USP12: variants seen among roughly 807,000 people sequenced by gnomAD.
USP12 encodes the protein ubiquitin specific peptidase 12.
In USP12, 19 loss-of-function variants were observed where a neutral mutation model predicts 45.5. That is an observed-to-expected ratio of 0.42 (90% confidence interval 0.29 to 0.61). The LOEUF is 0.61. Among genes scored for constraint, USP12 ranks in the 20% least tolerant of loss-of-function variants. The probability of loss-of-function intolerance (pLI) is 0.22; values close to 1 mark genes in which losing one functional copy is unlikely to be tolerated. For synonymous variants in USP12, 149 were observed against 148.8 expected (o/e 1.00, Z -0.01); for missense variants, 242 against 447.7 (o/e 0.54, Z 4.15).
Position 27,068,951 on chromosome 13 carries a change from C to A in USP12, c.*332G>T, listed in dbSNP as rs1181825943. ...AGATTCCGATTCTTTCTACTGCACCCCCAAGGAATTCAAAGCATTATTGGT... is the reference window on the plus strand; with the variant it reads ...AGATTCCGATTCTTTCTACTGCACCACCAAGGAATTCAAAGCATTATTGGT... On this transcript the variant is annotated 3_prime_UTR_variant, in exon 9 of 9. Transcript: ENST00000282344. 1.2e-5 allele frequency: 4 copies of A among 327,030 alleles called. No homozygotes were observed. Among genetic ancestry groups the A allele is most frequent in the Non-Finnish European group, 1.7e-5 (3 of 175,566 alleles). The allele number at this position is 327,030 out of a possible 1,614,324, so 20.3% of individuals were successfully genotyped here.
chr13:27,151,897 G>A (rs1161445945), intron 1 of USP12, among the ~76,000 whole-genome samples: 1 of 152,138 alleles, frequency 6.6e-6, no homozygotes, highest in Non-Finnish European at 1.5e-5. Flanking sequence ...TACCTAAAGA[G>A]GTGCTCAACA....
chr13:27,127,972 C>T (rs1876318506), intron 1 of USP12, among the ~76,000 whole-genome samples: 1 of 152,208 alleles, frequency 6.6e-6, no homozygotes, highest in Non-Finnish European at 1.5e-5. Flanking sequence ...CCACTAGAAA[C>T]TCAATGTTCC....
At chr13:27,102,905 T>A (rs933653077) in intron 3 of USP12, among the ~76,000 whole-genome samples, 1 of 152,242 alleles carries the variant, frequency 6.6e-6, no homozygotes, top group African/African-American at 2.4e-5. Context: ...TCAGCTAGCA[T>A]CCATCCCATC....
intron 1 of USP12, among the ~76,000 whole-genome samples, chr13:27,155,906 T>G (rs1241028608): frequency 1.3e-5 from 2 of 152,224 alleles, no homozygotes; most frequent in Non-Finnish European, 2.9e-5. Context: ...GTAAAAAGTT[T>G]ATTTCTATGT....
intron 1 of USP12, among the ~76,000 whole-genome samples, chr13:27,121,758 G>C (rs1876001978): frequency 6.6e-6 from 1 of 152,058 alleles, no homozygotes; most frequent in African/African-American, 2.4e-5. Context: ...CTACTCAGGA[G>C]GCTGAAGCAG....
At chr13:27,147,615 T>G (rs1404691869) in intron 1 of USP12, among the ~76,000 whole-genome samples, 1 of 152,030 alleles carries the variant, frequency 6.6e-6, no homozygotes, top group Admixed American at 6.5e-5. Context: ...ATAAAAATGC[T>G]GAAAGTCAAA....
intron 2 of USP12, among the ~76,000 whole-genome samples, chr13:27,108,928 G>A (rs962824139): frequency 5.3e-5 from 8 of 152,194 alleles, no homozygotes; most frequent in Admixed American, 3.3e-4. Flanking sequence ...GCGACAGAAT[G>A]AGACTTTCTC....
At chr13:27,148,502 C>T (rs977789076) in intron 1 of USP12, among the ~76,000 whole-genome samples, 3 of 151,314 alleles carry the variant, frequency 2.0e-5, no homozygotes, top group Non-Finnish European at 4.4e-5. Flanking sequence ...AGCGAAACCC[C>T]GTCTCTACTA....
chr13:27,079,686 A>G (rs1189165261), intron 6 of USP12, among the ~76,000 whole-genome samples: 1 of 152,220 alleles, frequency 6.6e-6, no homozygotes, highest in African/African-American at 2.4e-5. Flanking sequence ...CTATTTTTAT[A>G]AATTGTGTGA....
chr13:27,074,372 C>T (rs1873382750), intron 7 of USP12, among the ~76,000 whole-genome samples: 1 of 151,946 alleles, frequency 6.6e-6, no homozygotes, highest in Non-Finnish European at 1.5e-5. Flanking sequence ...TGCACTCCAG[C>T]CTGGGCCACA....
chr13:27,169,665 G>A (rs1878496824), intron 1 of USP12, among the ~76,000 whole-genome samples: 1 of 152,056 alleles, frequency 6.6e-6, no homozygotes. Flanking sequence ...TGACATCCTT[G>A]GGATCAGAAT....
chr13:27,157,282 T>A (rs542487640), intron 1 of USP12, among the ~76,000 whole-genome samples: 1 of 152,150 alleles, frequency 6.6e-6, no homozygotes, highest in Non-Finnish European at 1.5e-5. Flanking sequence ...TTACATACAT[T>A]AAGCTAAAAA....
intron 1 of USP12, among the ~76,000 whole-genome samples, chr13:27,127,911 C>G (rs1339697997): frequency 6.6e-6 from 1 of 152,166 alleles, no homozygotes; most frequent in Non-Finnish European, 1.5e-5. Flanking sequence ...TGCTAAATAA[C>G]TAAGCCAAAA....
chr13:27,101,079 T>C (rs1809125276), intron 3 of USP12, among the ~76,000 whole-genome samples: 1 of 152,254 alleles, frequency 6.6e-6, no homozygotes, highest in African/African-American at 2.4e-5. Flanking sequence ...TGATTTCATA[T>C]TCACAAAAAT....
At chr13:27,140,117 A>G (rs1364494175) in intron 1 of USP12, among the ~76,000 whole-genome samples, 1 of 151,872 alleles carries the variant, frequency 6.6e-6, no homozygotes, top group African/African-American at 2.4e-5. Context: ...CATCTAATGC[A>G]ATTCTAATCC....
chr13:27,107,312 G>A (rs1365880571), intron 2 of USP12, among the ~76,000 whole-genome samples: 4 of 152,134 alleles, frequency 2.6e-5, no homozygotes, highest in Non-Finnish European at 4.4e-5. Flanking sequence ...ATGACAAAGT[G>A]AGACTCTGTC....
intron 1 of USP12, among the ~76,000 whole-genome samples, chr13:27,148,400 G>T (rs1490931920): frequency 6.6e-6 from 1 of 151,478 alleles, no homozygotes; most frequent in Non-Finnish European, 1.5e-5. Flanking sequence ...TATAGGCCAG[G>T]CATGGTGACT....
chr13:27,160,212 A>C (rs2137841890), intron 1 of USP12, among the ~76,000 whole-genome samples: 1 of 152,352 alleles, frequency 6.6e-6, no homozygotes, highest in South Asian at 2.1e-4. Context: ...GGGCAACATA[A>C]TGTCTCCAAC....
Position 27,105,716 on chromosome 13 carries a change from G to A in USP12, c.343+15C>T. Reference sequence around the variant, plus strand: ...CTTCCTAGTATGTCATTAATACAGTGGGAAGTAGAATTACCATTTTCTTTC... The same window carrying A: ...CTTCCTAGTATGTCATTAATACAGTAGGAAGTAGAATTACCATTTTCTTTC... On this transcript the variant is annotated intron_variant, in intron 3 of 8. Coordinates refer to ENST00000282344, the MANE Select transcript of USP12 (RefSeq NM_182488.4). The A allele has an allele frequency of 6.2e-7, 1 of 1,607,862 alleles. No individual in the cohort carries two copies. The highest frequency in any genetic ancestry group is 8.5e-7 in the Non-Finnish European group (1 of 1,175,210).
Sources: gnomAD v4.1 joint callset for allele counts (sites outside exome capture counted in the v4.1 genomes callset) on GRCh38, gnomAD v4.1.1 for gene constraint, MANE v1.5 for transcripts, NCBI Gene and HGNC (gene_info 2026-07-23, HGNC 2026-07-21) for gene names.